Variants in PTCHD1 observed in about 807,000 individuals in gnomAD.
The protein encoded by PTCHD1 is patched domain-containing protein 1.
In PTCHD1, 3 loss-of-function variants were observed where a neutral mutation model predicts 34.6. That is an observed-to-expected ratio of 0.09 (90% confidence interval 0.04 to 0.22). The LOEUF is 0.22. Ranked by LOEUF, PTCHD1 falls within the 10% of genes least tolerant of loss-of-function variation. The pLI is 1.00. For missense variants in PTCHD1, 504 were observed against 685.5 expected (o/e 0.74, Z 2.96); for synonymous variants, 305 against 283.1 (o/e 1.08, Z -0.77).
intron 2 of PTCHD1, among the ~76,000 whole-genome samples, chrX:23,384,447 T>C (rs1435860959): frequency 8.9e-6 from 1 of 112,021 alleles, no homozygotes; most frequent in African/African-American, 3.2e-5. Flanking sequence ...AATTTGCGGA[T>C]TAGTGCTAGG....
At chrX:23,344,119 A>G (rs1428618473) in intron 1 of PTCHD1, among the ~76,000 whole-genome samples, 1 of 112,413 alleles carries the variant, frequency 8.9e-6, no homozygotes, top group East Asian at 2.8e-4. Context: ...TGCTGATGCT[A>G]CAGATCAGCA....
At chrX:23,379,491 G>C (rs1922498086) in intron 1 of PTCHD1, 100 bp from the exon 2 acceptor site, 3 of 872,652 alleles carry the variant, frequency 3.4e-6, no homozygotes, top group Non-Finnish European at 3.3e-6. Flanking sequence ...TATAACATTT[G>C]ATTTGAACTG....
intron 1 of PTCHD1, among the ~76,000 whole-genome samples, chrX:23,352,629 C>T (rs1329191686): frequency 9.0e-6 from 1 of 111,623 alleles, no homozygotes; most frequent in Non-Finnish European, 1.9e-5. Flanking sequence ...CCGAGGATCA[C>T]ATAGCCTTTA....
chrX:23,364,045 A>G (rs1234490106), intron 1 of PTCHD1, among the ~76,000 whole-genome samples: 1 of 112,341 alleles, frequency 8.9e-6, no homozygotes, highest in African/African-American at 3.2e-5. Context: ...AGTATTGATA[A>G]GCACAACAAG....
At chrX:23,360,600 C>A (rs951216476) in intron 1 of PTCHD1, among the ~76,000 whole-genome samples, 2 of 111,533 alleles carry the variant, frequency 1.8e-5, no homozygotes, top group Admixed American at 9.5e-5. Context: ...AAAAAACCAG[C>A]TCCTGGATTC....
intron 2 of PTCHD1, among the ~76,000 whole-genome samples, chrX:23,385,420 C>T (rs1372764558): frequency 9.0e-6 from 1 of 111,424 alleles, no homozygotes; most frequent in Non-Finnish European, 1.9e-5. Flanking sequence ...ACCCAGGATT[C>T]CCAGATATCC....
At chrX:23,384,983 G>C (rs1213073300) in intron 2 of PTCHD1, among the ~76,000 whole-genome samples, 2 of 111,971 alleles carry the variant, frequency 1.8e-5, no homozygotes, top group Non-Finnish European at 3.8e-5. Flanking sequence ...GCTATGGAAA[G>C]ACTTTGCTTA....
In PTCHD1 at chrX:23,402,843, C is replaced by T. The variant is rs1923156653; in HGVS notation, c.*8658C>T. Reference sequence around the variant, plus strand: ...AAAAAATATGTCTACATAGCCAATGCTCTTAGTATTTTTAACAGCAAAGAT... The same window carrying T: ...AAAAAATATGTCTACATAGCCAATGTTCTTAGTATTTTTAACAGCAAAGAT... On this transcript the variant is annotated 3_prime_UTR_variant, in exon 3 of 3. Transcript: ENST00000379361. 8.9e-6 allele frequency: 1 copy of T among 112,463 alleles called. No homozygotes were observed. The highest frequency in any genetic ancestry group is 1.9e-5 in the Non-Finnish European group (1 of 53,303). 9.3% of individuals were successfully genotyped at this position (112,463 alleles called of 1,213,427 possible). A position where few individuals can be genotyped will look rare whatever the true frequency, so the allele number is the denominator to read the frequency against.
At chrX:23,362,407 A>G (rs1235475306) in intron 1 of PTCHD1, among the ~76,000 whole-genome samples, 1 of 112,057 alleles carries the variant, frequency 8.9e-6, no homozygotes, top group African/African-American at 3.2e-5. Context: ...TTGATCTTCA[A>G]TCACTGATAC....
At chrX:23,362,454 T>C (rs1340084952) in intron 1 of PTCHD1, among the ~76,000 whole-genome samples, 5 of 112,152 alleles carry the variant, frequency 4.5e-5, no homozygotes, top group African/African-American at 1.6e-4. Flanking sequence ...TATTGAAGCT[T>C]GGACATGGTT....
rs1490085858 is a variant in PTCHD1 at position 23,372,391 on chromosome X, C to T, written c.352-7200C>T. Among the ~76,000 whole-genome samples, 3 of 110,512 alleles carry T rather than the reference C, an allele frequency of 2.7e-5. No homozygotes were observed. In the Admixed American group the frequency reaches 2.9e-4, roughly 11 times the overall value. ...CAAGGAGAATGTTTCATGTCAGGCGCCAAAGTCAATGCTCTGAGCATGATG... is the reference window on the plus strand; with the variant it reads ...CAAGGAGAATGTTTCATGTCAGGCGTCAAAGTCAATGCTCTGAGCATGATG... On this transcript the variant is annotated intron_variant, in intron 1 of 2. Coordinates refer to ENST00000379361, the MANE Select transcript of PTCHD1 (RefSeq NM_173495.3).
intron 1 of PTCHD1, among the ~76,000 whole-genome samples, chrX:23,367,513 A>G (rs1922178442): frequency 8.9e-6 from 1 of 111,895 alleles, no homozygotes; most frequent in Non-Finnish European, 1.9e-5. Context: ...AGTAGAAGCT[A>G]TCTGTCAATT....
Position 23,344,978 on chromosome X carries a change from G to T in PTCHD1, c.351+9752G>T, listed in dbSNP as rs191311039. Among the ~76,000 whole-genome samples the T allele has an allele frequency of 3.6e-5, 4 of 112,088 alleles. No homozygotes were observed. In the South Asian group the frequency reaches 1.5e-3, roughly 42 times the overall value. ...CTCGTCCACATAAGTAGATCTGCAA[G>T]CACTTCACAGGGAAGAGTGTCATCA... On this transcript the variant is annotated intron_variant, in intron 1 of 2. Transcript: ENST00000379361.
intron 1 of PTCHD1, among the ~76,000 whole-genome samples, chrX:23,348,421 C>T (rs778639660): frequency 1.1e-4 from 12 of 111,005 alleles, no homozygotes; most frequent in South Asian, 3.9e-4. Context: ...AAATTAAAGA[C>T]ACCAAACCAC....
At chrX:23,356,781 T>G (rs1921816652) in intron 1 of PTCHD1, among the ~76,000 whole-genome samples, 1 of 112,065 alleles carries the variant, frequency 8.9e-6, no homozygotes. Context: ...GGCATTAAAT[T>G]AAAACCATCA....
chrX:23,390,844 T>C (rs761049089), intron 2 of PTCHD1, among the ~76,000 whole-genome samples: 1 of 112,358 alleles, frequency 8.9e-6, no homozygotes, highest in Non-Finnish European at 1.9e-5. Context: ...ACTCACTTTA[T>C]TCAGCATTAT....
At chrX:23,351,725 T>G (rs1273662434) in intron 1 of PTCHD1, among the ~76,000 whole-genome samples, 2 of 112,593 alleles carry the variant, frequency 1.8e-5, no homozygotes, top group Non-Finnish European at 3.7e-5. Flanking sequence ...AAATGAAGAT[T>G]TAAAAAGTAG....
rs1335478836 is a variant in PTCHD1, at chrX:23,401,603, TTACA to T, written c.*7423_*7426del. 4.4e-5 allele frequency: 5 copies of T among 112,915 alleles called. No homozygotes were observed. The highest frequency in any genetic ancestry group is 1.3e-4 in the African/African-American group (4 of 31,067). The allele number at this position is 112,915 out of a possible 1,213,427, so 9.3% of individuals were successfully genotyped here. A position where few individuals can be genotyped will look rare whatever the true frequency, so the allele number is the denominator to read the frequency against. On this transcript the variant is annotated 3_prime_UTR_variant, in exon 3 of 3. Transcript: ENST00000379361. ...CATATACCTGTACATATGCACATGC[TTACA>T]TACACACATATCACAGATGTGCATG...
chrX:23,334,937 T>C lies in PTCHD1; in HGVS notation c.62T>C (p.Ile21Thr). The C allele has an allele frequency of 8.3e-7, 1 of 1,206,454 alleles. No homozygotes were observed. The highest frequency in any genetic ancestry group is 1.1e-6 in the Non-Finnish European group (1 of 893,121). The part of the protein sequence containing the change: ...RTCFSRLGHF[I>T]ASHPVFFASA... ...TGTTTCTCCCGGCTCGGCCACTTCATTGCCAGTCACCCTGTCTTCTTCGCC... is the reference window on the plus strand; with the variant it reads ...TGTTTCTCCCGGCTCGGCCACTTCACTGCCAGTCACCCTGTCTTCTTCGCC... Residue 21 changes from isoleucine to threonine, a missense_variant, in exon 1 of 3, where the codon ATT becomes ACT. By Grantham distance (89) the Ile-to-Thr change is moderately conservative. Coordinates refer to ENST00000379361, the MANE Select transcript of PTCHD1 (RefSeq NM_173495.3).
Sources: gnomAD v4.1 joint callset for allele counts (sites outside exome capture counted in the v4.1 genomes callset) on GRCh38, gnomAD v4.1.1 for gene constraint, MANE v1.5 for transcripts, NCBI Gene and HGNC (gene_info 2026-07-23, HGNC 2026-07-21) for gene names.